HEATR5A: variants seen among roughly 807,000 people sequenced by gnomAD.
HEATR5A encodes the protein HEAT repeat containing 5A.
Under a neutral mutation model 218.8 loss-of-function variants are expected in HEATR5A, and 178 were observed. That is an observed-to-expected ratio of 0.81 (90% CI 0.72 to 0.92). The LOEUF (loss-of-function observed/expected upper bound fraction) is 0.92, where lower values mean the gene tolerates loss of function less well. Among genes scored for constraint, HEATR5A ranks in the 40% least tolerant of loss-of-function variants. The pLI is 0.00. For synonymous variants in HEATR5A, 864 were observed against 871.6 expected (o/e 0.99, Z 0.15); for missense variants, 2,420 against 2,418.9 (o/e 1.00, Z -0.01).
rs762075947 is a variant in HEATR5A at position 31,313,118 on chromosome 14, C to T, written c.4291G>A (p.Gly1431Ser). 68 of 1,613,804 alleles carry T rather than the reference C, an allele frequency of 4.2e-5. 1 individual carries two copies. The highest frequency in any genetic ancestry group is 1.2e-4 in the African/African-American group (9 of 74,996). Reference sequence around the variant, plus strand: ...GATGAACATGATCCATTTCTGATACCGTCTTCTAAACAGGTGGTAGTCTTC... The same window carrying T: ...GATGAACATGATCCATTTCTGATACTGTCTTCTAAACAGGTGGTAGTCTTC... ...PLKTTTCLED[G>S]IRNGSCSSDG... Residue 1431 changes from glycine to serine, a missense_variant, in exon 28 of 36, where the codon GGT (glycine) becomes AGT (serine). Gly to Ser is a moderately conservative substitution (Grantham distance 56). Coordinates refer to ENST00000543095, the MANE Select transcript of HEATR5A (RefSeq NM_015473.4).
At chr14:31,303,346 C>G (rs1408221170) in intron 32 of HEATR5A, among the ~76,000 whole-genome samples, 1 of 152,004 alleles carries the variant, frequency 6.6e-6, no homozygotes, top group African/African-American at 2.4e-5. Context: ...GGCAGAAGAA[C>G]TGCTTGAACC....
In HEATR5A at chr14:31,358,969, G is replaced by A. The variant is rs753582824; in HGVS notation, c.2160C>T (p.Pro720=). ...TCAAAAGATCATCCTGATGACAGAG[G>A]GGTGGAAGTAAAAATGTAGATGCTG... ...QVAASTFLLP[P]LCHQDDLLIL... The change falls in exon 15 of 36, where the codon CCC becomes CCT. Residue 720 remains proline, a synonymous_variant. Coordinates refer to ENST00000543095, the MANE Select transcript of HEATR5A (RefSeq NM_015473.4). The A allele has an allele frequency of 1.9e-6, 3 of 1,590,400 alleles. No individual in the cohort carries two copies. The highest frequency in any genetic ancestry group is 3.9e-5 in the Admixed American group (2 of 51,182).
At chr14:31,382,540 A>T (rs766364689) in intron 10 of HEATR5A, among the ~76,000 whole-genome samples, 2 of 152,136 alleles carry the variant, frequency 1.3e-5, no homozygotes, top group Admixed American at 6.6e-5. Flanking sequence ...CCTAGCTATT[A>T]AAAAAGAAAC....
At chr14:31,346,840 G>C (rs573263685) in intron 19 of HEATR5A, among the ~76,000 whole-genome samples, 31 of 152,194 alleles carry the variant, frequency 2.0e-4, no homozygotes, top group Non-Finnish European at 4.3e-4. Context: ...AGACAGATAA[G>C]ACGACAGAAG....
intron 10 of HEATR5A, among the ~76,000 whole-genome samples, chr14:31,382,977 G>A (rs933997441): frequency 6.6e-6 from 1 of 151,656 alleles, no homozygotes; most frequent in African/African-American, 2.4e-5. Flanking sequence ...ACTAGCCATT[G>A]CTCCATAGAG....
At chr14:31,415,221 C>A (rs528309426) in intron 1 of HEATR5A, among the ~76,000 whole-genome samples, 4 of 152,316 alleles carry the variant, frequency 2.6e-5, no homozygotes, top group African/African-American at 9.6e-5. Flanking sequence ...CCTCTTGGAG[C>A]CTCACCTGAG....
rs577497140 is a variant in HEATR5A, at chr14:31,344,268, C to CTT, written c.3059-205_3059-204dup. Among the ~76,000 whole-genome samples, 39 of 50,832 alleles carry CTT rather than the reference C, an allele frequency of 7.7e-4. 3 individuals are homozygous for CTT. The highest frequency in any genetic ancestry group is 3.7e-3 in the East Asian group (5 of 1,340). The allele number at this position is 50,832 out of a possible 152,430, so 33.3% of individuals were successfully genotyped here. On this transcript the variant is annotated intron_variant, in intron 20 of 35. Transcript: ENST00000543095. ...GTTACAGATTGTTAGATTAGTTATT[C>CTT]TTTTTTTTTTTTTTTTTTTTTTTTT...
intron 22 of HEATR5A, among the ~76,000 whole-genome samples, chr14:31,335,125 T>TA (rs1234999183): frequency 1.3e-5 from 2 of 152,246 alleles, no homozygotes; most frequent in East Asian, 3.9e-4. Flanking sequence ...AAAGAATTTT[T>TA]AATTTAAGGT....
At chr14:31,367,451 G>C (rs546380072) in intron 13 of HEATR5A, among the ~76,000 whole-genome samples, 1 of 151,734 alleles carries the variant, frequency 6.6e-6, no homozygotes, top group Non-Finnish European at 1.5e-5. Flanking sequence ...CCAGGCTGGA[G>C]TGCAGTGGCG....
intron 13 of HEATR5A, among the ~76,000 whole-genome samples, chr14:31,366,528 CA>C (rs1901810344): frequency 6.6e-6 from 1 of 151,980 alleles, no homozygotes; most frequent in South Asian, 2.1e-4. Context: ...ATGAATAAAA[CA>C]AAGTAAGAAT....
chr14:31,299,413 A>G (rs147263685), intron 33 of HEATR5A, among the ~76,000 whole-genome samples: 12 of 152,256 alleles, frequency 7.9e-5, no homozygotes, highest in African/African-American at 2.2e-4. Context: ...CAAGCATATT[A>G]CTTTCCTTTT....
chr14:31,371,006 T>C (rs1269076738), intron 13 of HEATR5A, among the ~76,000 whole-genome samples: 1 of 152,242 alleles, frequency 6.6e-6, no homozygotes, highest in Non-Finnish European at 1.5e-5. Flanking sequence ...ACACCTTCAA[T>C]AGTATCATTA....
chr14:31,302,938 C>CA (rs747481722), intron 32 of HEATR5A, among the ~76,000 whole-genome samples: 3,073 of 102,006 alleles, frequency 0.03, 301 homozygotes, highest in African/African-American at 0.12. Context: ...TTCATCTTTA[C>CA]AAAAAAAAAA....
chr14:31,354,863 C>T (rs1244348789), intron 16 of HEATR5A, among the ~76,000 whole-genome samples: 2 of 152,136 alleles, frequency 1.3e-5, no homozygotes, highest in Non-Finnish European at 2.9e-5. Flanking sequence ...AGAATTATAA[C>T]TGTTTAAGCT....
At chr14:31,390,468 A>C (rs1380616278) in intron 6 of HEATR5A, among the ~76,000 whole-genome samples, 1 of 152,094 alleles carries the variant, frequency 6.6e-6, no homozygotes, top group Non-Finnish European at 1.5e-5. Context: ...AGTGAATGGA[A>C]TCTGGATACA....
chr14:31,401,634 T>C (rs946117322), intron 2 of HEATR5A, among the ~76,000 whole-genome samples: 1 of 152,184 alleles, frequency 6.6e-6, no homozygotes, highest in Non-Finnish European at 1.5e-5. Flanking sequence ...CAAGCAATCC[T>C]CCTGCTTCAG....
At position 31,387,076 on chromosome 14, in the gene HEATR5A, T is replaced by C; in HGVS notation, c.1189+44A>G. On this transcript the variant is annotated intron_variant, in intron 8 of 35. Coordinates refer to ENST00000543095, the MANE Select transcript of HEATR5A (RefSeq NM_015473.4). ...AGTCTAGCTTTCCCAAAGGGACAATTCCATTAGCACTGTTAAACAAACTGT... is the reference window on the plus strand; with the variant it reads ...AGTCTAGCTTTCCCAAAGGGACAATCCCATTAGCACTGTTAAACAAACTGT... 6 of 1,593,674 alleles carry C rather than the reference T, an allele frequency of 3.8e-6. No homozygotes were observed. In the South Asian group the frequency reaches 5.6e-5, roughly 15 times the overall value.
chr14:31,316,049 G>T, intron 26 of HEATR5A, 100 bp from the exon 27 acceptor site: 2 of 863,438 alleles, frequency 2.3e-6, no homozygotes, highest in Non-Finnish European at 3.4e-6. Context: ...TTTGGGAGGT[G>T]ACGCAGGCAG....
chr14:31,320,513 G>C, intron 25 of HEATR5A: 1 of 1,252,194 alleles, frequency 8.0e-7, no homozygotes, highest in Non-Finnish European at 1.2e-6. Flanking sequence ...GCTGCTGTAG[G>C]AAGGCTGTTT....
Sources: allele counts gnomAD v4.1 joint callset (sites outside exome capture counted in the v4.1 genomes callset), GRCh38; gene constraint gnomAD v4.1.1; transcripts MANE v1.5; gene names NCBI Gene and HGNC (gene_info 2026-07-23, HGNC 2026-07-21).